PKNOX2: variants seen among roughly 807,000 people sequenced by gnomAD.
PKNOX2 encodes the protein homeobox protein PKNOX2.
A neutral mutation model predicts 53.1 loss-of-function variants in PKNOX2; 14 were observed. The ratio of observed to expected loss-of-function variants is 0.26; its 90% CI spans 0.17 to 0.41. The LOEUF (loss-of-function observed/expected upper bound fraction) is 0.41. Ranked by LOEUF, PKNOX2 falls within the 10% of genes least tolerant of loss-of-function variation. The probability of loss-of-function intolerance (pLI) is 1.00; values close to 1 mark genes in which losing one functional copy is unlikely to be tolerated. For missense variants in PKNOX2, 496 were observed against 602.8 expected, an observed-to-expected ratio of 0.82 and a Z score of 1.85; for synonymous variants, 257 against 242.8, an observed-to-expected ratio of 1.06 and a Z score of -0.54.
intron 1 of PKNOX2, among the ~76,000 whole-genome samples, chr11:125,176,005 AC>A (rs1955681817): frequency 6.6e-6 from 1 of 152,206 alleles, no homozygotes; most frequent in African/African-American, 2.4e-5. Context: ...ATACTCACTC[AC>A]AGCGTGATGA....
intron 2 of PKNOX2, among the ~76,000 whole-genome samples, chr11:125,235,396 T>C (rs1942588531): frequency 6.6e-6 from 1 of 152,246 alleles, no homozygotes; most frequent in Non-Finnish European, 1.5e-5. Flanking sequence ...AGGAAGCTCT[T>C]GAGTCTGCAA....
intron 4 of PKNOX2, among the ~76,000 whole-genome samples, chr11:125,365,471 G>C (rs1420570047): frequency 1.3e-5 from 2 of 152,086 alleles, no homozygotes; most frequent in Non-Finnish European, 2.9e-5. Context: ...ATTTTTCTTG[G>C]CCCAAATGTT....
intron 2 of PKNOX2, among the ~76,000 whole-genome samples, chr11:125,309,483 G>A (rs905223529): frequency 3.3e-5 from 5 of 151,000 alleles, no homozygotes; most frequent in Non-Finnish European, 5.9e-5. Flanking sequence ...CACCTCCCAG[G>A]TTCAAACGAT....
intron 4 of PKNOX2, among the ~76,000 whole-genome samples, chr11:125,366,605 G>A (rs1375834574): frequency 1.3e-5 from 2 of 152,146 alleles, no homozygotes; most frequent in South Asian, 2.1e-4. Context: ...AAAGCAAAAG[G>A]CAGAGGGGCT....
At chr11:125,393,022 C>G (rs563834543) in intron 6 of PKNOX2, among the ~76,000 whole-genome samples, 7 of 151,102 alleles carry the variant, frequency 4.6e-5, no homozygotes, top group Admixed American at 2.6e-4. Context: ...AAAATTAGCC[C>G]GGCGTGGTGG....
chr11:125,238,059 C>G (rs960663177), intron 2 of PKNOX2, among the ~76,000 whole-genome samples: 1 of 152,174 alleles, frequency 6.6e-6, no homozygotes, highest in Non-Finnish European at 1.5e-5. Context: ...GAGGCTGTGC[C>G]CTCCAAGAAC....
rs553534801 is a variant in PKNOX2 at position 125,390,175 on chromosome 11, G to A, written c.399+4453G>A. Among the ~76,000 whole-genome samples the A allele has an allele frequency of 7.9e-5, 12 of 152,324 alleles. No individual in the cohort carries two copies. In the East Asian group the frequency reaches 1.7e-3, roughly 22 times the overall value. ...TTATAGAGCACTTACCAGGTGCCGG[G>A]TACCGTTCCAACTGTTTTACATATA... On this transcript the variant is annotated intron_variant, in intron 6 of 12. Coordinates refer to ENST00000298282, the MANE Select transcript of PKNOX2 (RefSeq NM_001382323.2).
chr11:125,242,271 G>C (rs1161555746), intron 2 of PKNOX2, among the ~76,000 whole-genome samples: 1 of 152,282 alleles, frequency 6.6e-6, no homozygotes, highest in East Asian at 1.9e-4. Context: ...CTGTAACGGG[G>C]CCCACTGGGG....
chr11:125,225,037 T>C (rs2135521296), intron 1 of PKNOX2, among the ~76,000 whole-genome samples: 1 of 152,330 alleles, frequency 6.6e-6, no homozygotes, highest in East Asian at 1.9e-4. Flanking sequence ...TTTTCTGAGA[T>C]GCCAATGACT....
At chr11:125,404,626 ACACACACAAACACACACACACCAC>A (rs1954963121) in intron 7 of PKNOX2, among the ~76,000 whole-genome samples, 5 of 147,498 alleles carry the variant, frequency 3.4e-5, no homozygotes, top group Middle Eastern at 3.6e-3. Flanking sequence ...CACACATCAC[ACACACACAAACACACACACACCAC>A]CACACACAGG....
chr11:125,309,131 CTTTCTTTCTTTCTTTCTTTCT>C (rs1565493489), intron 2 of PKNOX2, among the ~76,000 whole-genome samples: 13 of 102,398 alleles, frequency 1.3e-4, no homozygotes, highest in African/African-American at 4.8e-4. Context: ...TTACCTCTTC[CTTTCTTTCTTTCTTTCTTTCT>C]TTCTTTCCTT....
chr11:125,286,069 T>G (rs895428666), intron 2 of PKNOX2, among the ~76,000 whole-genome samples: 3 of 152,056 alleles, frequency 2.0e-5, no homozygotes, highest in Non-Finnish European at 4.4e-5. Context: ...GACGGGGCAG[T>G]GTGAGGCTGC....
intron 1 of PKNOX2, among the ~76,000 whole-genome samples, chr11:125,210,344 C>T (rs1159999930): frequency 2.0e-5 from 3 of 152,120 alleles, no homozygotes; most frequent in African/African-American, 4.8e-5. Flanking sequence ...GATGTCATCT[C>T]GCCCTTTAGG....
intron 3 of PKNOX2, among the ~76,000 whole-genome samples, chr11:125,348,148 G>C (rs1479311387): frequency 6.6e-6 from 1 of 152,188 alleles, no homozygotes; most frequent in Non-Finnish European, 1.5e-5. Context: ...ACACCCCACT[G>C]CAAAGTCCCA....
intron 2 of PKNOX2, among the ~76,000 whole-genome samples, chr11:125,313,044 A>G (rs920281568): frequency 2.0e-5 from 3 of 152,194 alleles, no homozygotes; most frequent in Admixed American, 1.3e-4. Flanking sequence ...ATCGCCTTCC[A>G]CCGAGGGCAA....
At chr11:125,167,094 T>A (rs1360776370) in intron 1 of PKNOX2, among the ~76,000 whole-genome samples, 1 of 147,482 alleles carries the variant, frequency 6.8e-6, no homozygotes, top group African/African-American at 2.5e-5. Context: ...TCGGGCTGCA[T>A]CCCCATAGCT....
chr11:125,429,814 G>A, intron 11 of PKNOX2, 149 bp from the exon 12 acceptor site: 2 of 870,276 alleles, frequency 2.3e-6, no homozygotes, highest in Non-Finnish European at 3.5e-6. Flanking sequence ...AGCACCCAGG[G>A]CCCTCCTCCT....
In PKNOX2 at chr11:125,243,242, G is replaced by A. The variant is rs140615868; in HGVS notation, c.-130+8127G>A. On this transcript the variant is annotated intron_variant, in intron 2 of 12. Transcript: ENST00000298282. ...GAACTCTGGGACTTGTAGAGCAATG[G>A]TTATAGGAACTGGTTCTAGATTCAG... Among the ~76,000 whole-genome samples the A allele has an allele frequency of 4.9e-4, 75 of 152,304 alleles. No homozygotes were observed. In the East Asian group the frequency reaches 9.6e-3, roughly 20 times the overall value.
At chr11:125,191,143 T>A (rs909576663) in intron 1 of PKNOX2, 1 of 152,172 alleles carries the variant, frequency 6.6e-6, no homozygotes, top group African/African-American at 2.4e-5. Flanking sequence ...TATAATAACA[T>A]AGCTTATACT....
Sources: allele counts gnomAD v4.1 joint callset (sites outside exome capture counted in the v4.1 genomes callset), GRCh38; gene constraint gnomAD v4.1.1; transcripts MANE v1.5; gene names NCBI Gene and HGNC (gene_info 2026-07-23, HGNC 2026-07-21).